Variants in FAM135B observed in about 807,000 individuals in gnomAD.
The protein encoded by FAM135B is family with sequence similarity 135 member B, also known as protein FAM135B.
In FAM135B, 43 loss-of-function variants were observed where a neutral mutation model predicts 127.7. That is an observed-to-expected ratio of 0.34 (90% CI 0.26 to 0.43). The LOEUF is 0.43. Ranked by LOEUF, FAM135B falls within the 20% of genes least tolerant of loss-of-function variation. FAM135B has a pLI of 1.00. For synonymous variants in FAM135B, 670 were observed against 665.1 expected (o/e 1.01, Z -0.11); for missense variants, 1,558 against 1,725.6 (o/e 0.90, Z 1.72).
chr8:138,325,126 TA>T (rs11323247), intron 2 of FAM135B, among the ~76,000 whole-genome samples: 150,698 of 152,006 alleles, frequency 0.99, 74,705 homozygotes, highest in East Asian at 1. Flanking sequence ...CCCCTTAGAT[TA>T]AAAAAAAATC....
At chr8:138,177,714 G>C (rs1814610077) in intron 10 of FAM135B, among the ~76,000 whole-genome samples, 1 of 152,002 alleles carries the variant, frequency 6.6e-6, no homozygotes, top group African/African-American at 2.4e-5. Flanking sequence ...TATTCTACTA[G>C]AATATAAGAC....
intron 15 of FAM135B, among the ~76,000 whole-genome samples, chr8:138,145,586 A>G (rs1817582324): frequency 6.6e-6 from 1 of 152,094 alleles, no homozygotes; most frequent in Non-Finnish European, 1.5e-5. Flanking sequence ...CAACATCTAT[A>G]CCTCTGTGTA....
intron 1 of FAM135B, among the ~76,000 whole-genome samples, chr8:138,417,287 C>G (rs985915710): frequency 8.5e-5 from 13 of 152,198 alleles, no homozygotes; most frequent in African/African-American, 3.1e-4. Context: ...AACACAGCCT[C>G]AGCTGCCCAG....
At chr8:138,160,428 G>T (rs1819254130) in intron 12 of FAM135B, among the ~76,000 whole-genome samples, 1 of 151,762 alleles carries the variant, frequency 6.6e-6, no homozygotes, top group Non-Finnish European at 1.5e-5. Flanking sequence ...TCGTTCTGTG[G>T]CACAGGCTGG....
chr8:138,233,937 A>G (rs1399460866), intron 7 of FAM135B, among the ~76,000 whole-genome samples: 1 of 152,224 alleles, frequency 6.6e-6, no homozygotes, highest in Non-Finnish European at 1.5e-5. Flanking sequence ...AATGATACTC[A>G]GCATCACTAA....
intron 1 of FAM135B, among the ~76,000 whole-genome samples, chr8:138,427,059 G>C (rs1374213824): frequency 1.3e-5 from 2 of 151,838 alleles, no homozygotes; most frequent in African/African-American, 4.8e-5. Context: ...AATATATACT[G>C]TCTGATCCTG....
At chr8:138,186,058 TC>T (rs1158765232) in intron 9 of FAM135B, among the ~76,000 whole-genome samples, 2 of 152,104 alleles carry the variant, frequency 1.3e-5, no homozygotes, top group Non-Finnish European at 2.9e-5. Flanking sequence ...TGAGGGTCCT[TC>T]CCTGACTGGT....
Position 138,131,192 on chromosome 8 carries a change from C to T in FAM135B, c.*1401G>A, listed in dbSNP as rs1816190503. On this transcript the variant is annotated 3_prime_UTR_variant, in exon 20 of 20. Transcript: ENST00000395297. ...GGTCTAGGTATTGAGAACCCTGGTC[C>T]TAGATGCGTTTCCACACTTCAGAAG... 1 of 152,180 alleles carries T rather than the reference C, an allele frequency of 6.6e-6. No individual in the cohort carries two copies. The highest frequency in any genetic ancestry group is 2.4e-5 in the African/African-American group (1 of 41,446). 9.4% of individuals were successfully genotyped at this position (152,180 alleles called of 1,614,324 possible). A position where few individuals can be genotyped will look rare whatever the true frequency, so the allele number is the denominator to read the frequency against.
intron 4 of FAM135B, among the ~76,000 whole-genome samples, chr8:138,261,937 G>A (rs1163223818): frequency 1.3e-5 from 2 of 152,184 alleles, no homozygotes; most frequent in Non-Finnish European, 2.9e-5. Flanking sequence ...ATACTAACTG[G>A]AAATGCATCC....
chr8:138,148,098 T>C (rs1177502422), intron 14 of FAM135B, among the ~76,000 whole-genome samples: 2 of 152,208 alleles, frequency 1.3e-5, no homozygotes, highest in Admixed American at 6.5e-5. Flanking sequence ...ACCATTGTAT[T>C]GACTCATGAA....
chr8:138,449,419 C>T lies in FAM135B; in HGVS notation c.-20+47252G>A, dbSNP rs190831256. Reference sequence around the variant, plus strand: ...GAGGAGGAAGGGCTCTGAGAGAGGACGGAGCTCAGAGCTGTCAAATTGTTG... The same window carrying T: ...GAGGAGGAAGGGCTCTGAGAGAGGATGGAGCTCAGAGCTGTCAAATTGTTG... On this transcript the variant is annotated intron_variant, in intron 1 of 19. Coordinates refer to ENST00000395297, the MANE Select transcript of FAM135B (RefSeq NM_015912.4). Among the ~76,000 whole-genome samples, 45 of 151,918 alleles carry T rather than the reference C, an allele frequency of 3.0e-4. 1 individual carries two copies. In the Middle Eastern group the frequency reaches 0.01, roughly 34 times the overall value.
rs33913656 is a variant in FAM135B at position 138,222,678 on chromosome 8, GTTTTTT to G, written c.669+20258_669+20263del. Among the ~76,000 whole-genome samples, 19 of 104,034 alleles carry G rather than the reference GTTTTTT, an allele frequency of 1.8e-4. 1 individual carries two copies. Among genetic ancestry groups the G allele is most frequent in the African/African-American group, 6.0e-4 (17 of 28,570 alleles). The allele number at this position is 104,034 out of a possible 152,430, so 68.3% of individuals were successfully genotyped here. On this transcript the variant is annotated intron_variant, in intron 7 of 19. Coordinates refer to ENST00000395297, the MANE Select transcript of FAM135B (RefSeq NM_015912.4). Reference sequence around the variant, plus strand: ...TGTTTGTAGGATTTTTGTTGGTGGTGTTTTTTTTTTTTTTTTTTTTTTTAATTCTGA... The same window carrying G: ...TGTTTGTAGGATTTTTGTTGGTGGTGTTTTTTTTTTTTTTTTTAATTCTGA...
At chr8:138,365,054 C>T (rs1830657561) in intron 2 of FAM135B, among the ~76,000 whole-genome samples, 2 of 152,098 alleles carry the variant, frequency 1.3e-5, no homozygotes, top group Non-Finnish European at 2.9e-5. Context: ...ACCATGTTGG[C>T]CAGGCTCGTC....
chr8:138,131,475 A>G lies in FAM135B; in HGVS notation c.*1118T>C, dbSNP rs1385462841. The G allele has an allele frequency of 3.3e-5, 5 of 152,482 alleles. No individual in the cohort carries two copies. Among genetic ancestry groups the G allele is most frequent in the African/African-American group, 9.7e-5 (4 of 41,390 alleles). The allele number at this position is 152,482 out of a possible 1,614,324, so 9.4% of individuals were successfully genotyped here. A position where few individuals can be genotyped will look rare whatever the true frequency, so the allele number is the denominator to read the frequency against. ...GGTTGTTCTCCTCCTATCTGATCTC[A>G]CTTTTGTCCCTGTCGTCTATTGGTT... On this transcript the variant is annotated 3_prime_UTR_variant, in exon 20 of 20. Coordinates refer to ENST00000395297, the MANE Select transcript of FAM135B (RefSeq NM_015912.4).
chr8:138,459,301 T>TG (rs1309825652), intron 1 of FAM135B: 2 of 152,050 alleles, frequency 1.3e-5, no homozygotes, highest in Non-Finnish European at 2.9e-5. Flanking sequence ...CAAAATACTA[T>TG]GGGGGAAGAA....
intron 9 of FAM135B, among the ~76,000 whole-genome samples, chr8:138,188,067 G>C (rs548800607): frequency 2.0e-5 from 3 of 152,278 alleles, no homozygotes; most frequent in African/African-American, 7.2e-5. Context: ...GTGTACAGCT[G>C]AGGACGCCTT....
intron 1 of FAM135B, among the ~76,000 whole-genome samples, chr8:138,495,262 G>A (rs113824750): frequency 2.6e-5 from 4 of 152,318 alleles, no homozygotes; most frequent in African/African-American, 9.6e-5. Context: ...CTCCAGATGA[G>A]AGAAAGAAGC....
intron 2 of FAM135B, among the ~76,000 whole-genome samples, chr8:138,346,938 T>C (rs370958894): frequency 2.6e-5 from 4 of 152,226 alleles, no homozygotes; most frequent in African/African-American, 9.6e-5. Context: ...ATAATATGTG[T>C]CTGTTTCTAT....
chr8:138,164,535 A>C (rs1161111653), intron 12 of FAM135B, among the ~76,000 whole-genome samples: 1 of 152,212 alleles, frequency 6.6e-6, no homozygotes, highest in African/African-American at 2.4e-5. Context: ...CCTGCCTCCC[A>C]TTCTATTCAA....
Sources: gnomAD v4.1 joint callset for allele counts (sites outside exome capture counted in the v4.1 genomes callset) on GRCh38, gnomAD v4.1.1 for gene constraint, MANE v1.5 for transcripts, NCBI Gene and HGNC (gene_info 2026-07-23, HGNC 2026-07-21) for gene names.